Variants in MAP3K7 observed in about 807,000 individuals in gnomAD.
MAP3K7 encodes mitogen-activated protein kinase kinase kinase 7.
A neutral mutation model predicts 84.8 loss-of-function variants in MAP3K7; 21 were observed. The ratio of observed to expected loss-of-function variants is 0.25; its 90% confidence interval spans 0.18 to 0.36. The LOEUF (loss-of-function observed/expected upper bound fraction) is 0.36. Ranked by LOEUF, MAP3K7 falls within the 10% of genes least tolerant of loss-of-function variation. The pLI is 1.00. For synonymous variants in MAP3K7, 241 were observed against 247.7 expected, an observed-to-expected ratio of 0.97 and a Z score of 0.25; for missense variants, 503 against 747.7, an observed-to-expected ratio of 0.67 and a Z score of 3.82.
chr6:90,542,828 G>C (rs909718545), intron 12 of MAP3K7, among the ~76,000 whole-genome samples: 7 of 151,942 alleles, frequency 4.6e-5, no homozygotes, highest in African/African-American at 1.7e-4. Flanking sequence ...TTTTGGGCTG[G>C]ATCATTCTTT....
At position 90,548,176 on chromosome 6, in the gene MAP3K7, G is replaced by T; in HGVS notation, c.951C>A (p.Gly317=). ...EGQSNSATST[G]SFMDIASTNT... is the part of the protein sequence containing the mutation. ...TTGTAGAAGCAATGTCCATGAATGAGCCTAGGAAAAGCAGAAACATTTATG... is the reference window on the plus strand; with the variant it reads ...TTGTAGAAGCAATGTCCATGAATGATCCTAGGAAAAGCAGAAACATTTATG... The change falls in exon 10 of 17, where the codon GGC becomes GGA. Residue 317 remains glycine (G), a splice_region_variant and synonymous_variant. Transcript: ENST00000369329. 6.2e-7 allele frequency: 1 copy of T among 1,604,644 alleles called. No homozygotes were observed. The highest frequency in any genetic ancestry group is 1.1e-5 in the South Asian group (1 of 89,056).
chr6:90,524,269 A>T (rs1775249465), intron 13 of MAP3K7, among the ~76,000 whole-genome samples: 1 of 152,226 alleles, frequency 6.6e-6, no homozygotes, highest in African/African-American at 2.4e-5. Flanking sequence ...AAAAGCAGAC[A>T]GGAAACAAAT....
At chr6:90,520,395 T>A (rs1277410041) in intron 14 of MAP3K7, among the ~76,000 whole-genome samples, 1 of 151,936 alleles carries the variant, frequency 6.6e-6, no homozygotes, top group Non-Finnish European at 1.5e-5. Context: ...TTTTTGCTTT[T>A]GTTTTTGTTT....
At position 90,513,751 on chromosome 6, in the gene MAP3K7, A is replaced by C. The variant is rs1239126871; in HGVS notation, c.*2750T>G. ...TTGAAGACAGGAGTTGAGCGCTGAA[A>C]ACCACACACATTTATAGAAAGAAAC... On this transcript the variant is annotated 3_prime_UTR_variant, in exon 17 of 17. Transcript: ENST00000369329. 1 of 152,144 alleles carries C rather than the reference A, an allele frequency of 6.6e-6. No homozygotes were observed. 9.4% of individuals were successfully genotyped at this position (152,144 alleles called of 1,614,324 possible). A position where few individuals can be genotyped will look rare whatever the true frequency, so the allele number is the denominator to read the frequency against.
intron 7 of MAP3K7, among the ~76,000 whole-genome samples, chr6:90,553,044 C>G (rs1776229484): frequency 6.6e-6 from 1 of 152,336 alleles, no homozygotes; most frequent in South Asian, 2.1e-4. Flanking sequence ...TTTGCTTCTT[C>G]TCCTTGATGA....
chr6:90,581,051 T>C (rs1777253820), intron 1 of MAP3K7, among the ~76,000 whole-genome samples: 1 of 152,186 alleles, frequency 6.6e-6, no homozygotes, highest in Non-Finnish European at 1.5e-5. Flanking sequence ...CAACTACTAT[T>C]GAAAGGCACA....
chr6:90,565,973 T>A (rs1776689919), intron 3 of MAP3K7, among the ~76,000 whole-genome samples: 1 of 152,130 alleles, frequency 6.6e-6, no homozygotes, highest in Non-Finnish European at 1.5e-5. Flanking sequence ...CACATAATTA[T>A]CTCAATAGAT....
intron 12 of MAP3K7, chr6:90,542,491 A>G (rs545174862): frequency 1.0e-6 from 1 of 985,240 alleles, no homozygotes; most frequent in East Asian, 1.1e-4. Flanking sequence ...GTCATAAAAG[A>G]GGATCTCCCT....
rs756147224 is a variant in MAP3K7 at position 90,553,623 on chromosome 6, A to AT, written c.608-38dup. On this transcript the variant is annotated intron_variant, in intron 6 of 16. Transcript: ENST00000369329. ...AAAGGTAGTATATAACCTAAAGACT[A>AT]TTTTTCCACATGACTTACAGAAACA... The AT allele has an allele frequency of 2.4e-5, 38 of 1,555,102 alleles. No individual in the cohort carries two copies. In the Admixed American group the frequency reaches 6.4e-4, roughly 26 times the overall value.
chr6:90,555,936 T>C (rs1304582830), intron 6 of MAP3K7, among the ~76,000 whole-genome samples: 1 of 152,254 alleles, frequency 6.6e-6, no homozygotes, highest in East Asian at 1.9e-4. Context: ...AGATACATCA[T>C]AGCCTTCTTG....
At chr6:90,521,257 CGTGTGTGTGTGT>C (rs59945419) in intron 14 of MAP3K7, among the ~76,000 whole-genome samples, 11 of 148,650 alleles carry the variant, frequency 7.4e-5, no homozygotes, top group East Asian at 6.0e-4. Flanking sequence ...AAGTTTTTTG[CGTGTGTGTGTGT>C]GTGTGTGTGT....
chr6:90,572,136 G>A (rs1776926586), intron 1 of MAP3K7, among the ~76,000 whole-genome samples: 1 of 151,838 alleles, frequency 6.6e-6, no homozygotes, highest in South Asian at 2.1e-4. Context: ...AAACAGACAA[G>A]ATGAATGAGA....
chr6:90,535,959 T>C (rs1775657589), intron 13 of MAP3K7, among the ~76,000 whole-genome samples: 1 of 152,190 alleles, frequency 6.6e-6, no homozygotes, highest in Non-Finnish European at 1.5e-5. Context: ...ATTGGGGAAA[T>C]GTTTACTACC....
At chr6:90,582,292 A>G (rs1049214960) in intron 1 of MAP3K7, among the ~76,000 whole-genome samples, 2 of 152,188 alleles carry the variant, frequency 1.3e-5, no homozygotes, top group African/African-American at 4.8e-5. Flanking sequence ...ATTTTATCAC[A>G]TGTAATATAA....
chr6:90,567,906 C>A (rs1350341271), intron 3 of MAP3K7, among the ~76,000 whole-genome samples: 2 of 152,160 alleles, frequency 1.3e-5, no homozygotes, highest in African/African-American at 2.4e-5. Context: ...AGTTCATGTC[C>A]TTTGTAGGGA....
At chr6:90,557,909 C>T (rs1776384336) in intron 5 of MAP3K7, among the ~76,000 whole-genome samples, 1 of 152,156 alleles carries the variant, frequency 6.6e-6, no homozygotes, top group African/African-American at 2.4e-5. Context: ...AATACAAGCA[C>T]AAGCACAACT....
At chr6:90,520,797 G>C (rs1435316324) in intron 14 of MAP3K7, among the ~76,000 whole-genome samples, 3 of 151,982 alleles carry the variant, frequency 2.0e-5, no homozygotes, top group Admixed American at 6.6e-5. Flanking sequence ...CACCCCAACA[G>C]TGGTTTCAAA....
intron 12 of MAP3K7, among the ~76,000 whole-genome samples, chr6:90,543,529 A>G (rs538776115): frequency 5.3e-5 from 8 of 152,104 alleles, no homozygotes; most frequent in Non-Finnish European, 1.2e-4. Context: ...AGCAACAACA[A>G]CAAAATAATG....
At chr6:90,570,297 T>G (rs1776858047) in intron 2 of MAP3K7, among the ~76,000 whole-genome samples, 1 of 152,144 alleles carries the variant, frequency 6.6e-6, no homozygotes, top group Non-Finnish European at 1.5e-5. Flanking sequence ...CATCATAAAC[T>G]GGCAATGAGA....
Sources: allele counts gnomAD v4.1 joint callset (sites outside exome capture counted in the v4.1 genomes callset), GRCh38; gene constraint gnomAD v4.1.1; transcripts MANE v1.5; gene names NCBI Gene and HGNC (gene_info 2026-07-23, HGNC 2026-07-21).